RHOH: variants seen among roughly 807,000 people sequenced by gnomAD.
RHOH encodes the protein rho-related GTP-binding protein RhoH.
Under a neutral mutation model 13.8 loss-of-function variants are expected in RHOH, and 6 were observed. That is an observed-to-expected ratio of 0.44 (90% CI 0.24 to 0.86). RHOH has a LOEUF of 0.86. RHOH is among the 40% of genes least tolerant of loss of function. RHOH has a pLI of 0.24. For synonymous variants in RHOH, 117 were observed against 103.0 expected, an observed-to-expected ratio of 1.14 and a Z score of -0.82; for missense variants, 147 against 244.5, an observed-to-expected ratio of 0.60 and a Z score of 2.66.
chr4:40,224,227 C>T (rs534660875), intron 1 of RHOH, among the ~76,000 whole-genome samples: 1 of 152,312 alleles, frequency 6.6e-6, no homozygotes, highest in East Asian at 1.9e-4. Context: ...ACAGGCTGAC[C>T]TAATTCCTTC....
chr4:40,192,604 G>A (rs1475914753), upstream of RHOH, among the ~76,000 whole-genome samples: 1 of 152,208 alleles, frequency 6.6e-6, no homozygotes, highest in Non-Finnish European at 1.5e-5. Context: ...CTCAATAAAA[G>A]AGGTCTTTGT....
upstream of RHOH, among the ~76,000 whole-genome samples, chr4:40,193,479 C>CGAGA (rs34244157): frequency 0.12 from 10,298 of 88,448 alleles, 674 homozygotes; most frequent in East Asian, 0.15. Flanking sequence ...AGAATGAGAG[C>CGAGA]GAGAGAGAGA....
chr4:40,199,146 A>G (rs1167819658), intron 1 of RHOH, among the ~76,000 whole-genome samples: 1 of 152,212 alleles, frequency 6.6e-6, no homozygotes, highest in Non-Finnish European at 1.5e-5. Flanking sequence ...CAGTAATAAT[A>G]ACTGAAAATA....
At chr4:40,225,305 C>G (rs1727089663) in intron 1 of RHOH, among the ~76,000 whole-genome samples, 2 of 152,004 alleles carry the variant, frequency 1.3e-5, no homozygotes, top group African/African-American at 4.8e-5. Flanking sequence ...AGGCTGGTCT[C>G]AAACTCCTGG....
At chr4:40,220,821 AAG>A (rs1579286849) in intron 1 of RHOH, among the ~76,000 whole-genome samples, 1 of 152,248 alleles carries the variant, frequency 6.6e-6, no homozygotes, top group Non-Finnish European at 1.5e-5. Context: ...ACCATTAAAA[AAG>A]AATTTTGCTC....
chr4:40,212,015 A>G (rs1725329019), intron 1 of RHOH, among the ~76,000 whole-genome samples: 1 of 152,186 alleles, frequency 6.6e-6, no homozygotes, highest in Non-Finnish European at 1.5e-5. Context: ...ACATCTTCCC[A>G]GGAAAACATT....
At chr4:40,204,380 T>G (rs1337357438) in intron 1 of RHOH, among the ~76,000 whole-genome samples, 1 of 152,238 alleles carries the variant, frequency 6.6e-6, no homozygotes, top group Non-Finnish European at 1.5e-5. Context: ...AAATCAGACC[T>G]CTTTCTACAA....
chr4:40,215,246 G>C (rs1171891226), intron 1 of RHOH, among the ~76,000 whole-genome samples: 1 of 152,190 alleles, frequency 6.6e-6, no homozygotes, highest in Admixed American at 6.5e-5. Context: ...GAGACCATGA[G>C]TTTTGAGCAC....
At chr4:40,237,670 T>C (rs1020888378) in intron 1 of RHOH, among the ~76,000 whole-genome samples, 1 of 152,196 alleles carries the variant, frequency 6.6e-6, no homozygotes, top group African/African-American at 2.4e-5. Flanking sequence ...TCAATTTTCT[T>C]AGTGAATGAA....
rs764292452 is a variant in RHOH, at chr4:40,243,959, C to T, written c.573C>T (p.Phe191=). Residue 191 remains phenylalanine (F), a synonymous_variant, in exon 3 of 3, where the codon TTC becomes TTT. Coordinates refer to ENST00000381799, the MANE Select transcript of RHOH (RefSeq NM_004310.5). The surrounding 1 kb of genome is among the most constrained non-coding windows in gnomAD (Gnocchi z 6.2). ...RLFSINECKI[F] The stretch of plus-strand genomic sequence containing the variant: ...TCTCCATCAATGAGTGCAAGATCTT[C>T]TAAACCCCAAGAGACTTCACACAAC... 6.4e-5 allele frequency: 103 copies of T among 1,609,930 alleles called. No homozygotes were observed. The highest frequency in any genetic ancestry group is 5.9e-6 in the Non-Finnish European group (7 of 1,177,870).
At chr4:40,229,048 C>A (rs571112375) in intron 1 of RHOH, among the ~76,000 whole-genome samples, 3 of 152,202 alleles carry the variant, frequency 2.0e-5, no homozygotes, top group Middle Eastern at 3.4e-3. Flanking sequence ...CTAGAGATGG[C>A]CCTTACTTCC....
intron 1 of RHOH, among the ~76,000 whole-genome samples, chr4:40,233,875 G>A (rs1352183653): frequency 2.6e-5 from 4 of 151,566 alleles, no homozygotes; most frequent in African/African-American, 7.3e-5. Flanking sequence ...GCAGTGAGCC[G>A]GGATCATGCC....
At chr4:40,210,012 A>G (rs1406690034) in intron 1 of RHOH, among the ~76,000 whole-genome samples, 1 of 152,084 alleles carries the variant, frequency 6.6e-6, no homozygotes, top group Admixed American at 6.6e-5. Context: ...TGATTCGTTT[A>G]GTGAAAAAGA....
rs549802852 is a variant in RHOH at position 40,234,744 on chromosome 4, C to CTTTT, written c.-330-7947_-330-7944dup. ...TATGTTAAAAGTTGCAAATCAGCAT[C>CTTTT]TTTTTTTTTTTTTTTTTTTTTTTTT... On this transcript the variant is annotated intron_variant, in intron 1 of 2. Transcript: ENST00000381799. Among the ~76,000 whole-genome samples, 56 of 101,100 alleles carry CTTTT rather than the reference C, an allele frequency of 5.5e-4. 2 individuals carry two copies. The highest frequency in any genetic ancestry group is 1.3e-3 in the African/African-American group (33 of 25,652). 66.3% of individuals were successfully genotyped at this position (101,100 alleles called of 152,430 possible).
chr4:40,212,239 T>C (rs193151700), intron 1 of RHOH, among the ~76,000 whole-genome samples: 3 of 152,348 alleles, frequency 2.0e-5, no homozygotes, highest in Admixed American at 2.0e-4. Flanking sequence ...TCTTCATCCA[T>C]ACATTGGACA....
chr4:40,201,532 A>G (rs1723986180), intron 1 of RHOH, among the ~76,000 whole-genome samples: 1 of 152,198 alleles, frequency 6.6e-6, no homozygotes, highest in African/African-American at 2.4e-5. Context: ...GCTATATAAT[A>G]TTGTGCTATC....
rs1729479238 is a variant in RHOH, at chr4:40,243,360, T to C, written c.-27T>C. Reference sequence around the variant, plus strand: ...GGCTCTTTTCCCTGGGATTCTGGACTTCAGAGTAGGACAGCAGGCTGGGAA... The same window carrying C: ...GGCTCTTTTCCCTGGGATTCTGGACCTCAGAGTAGGACAGCAGGCTGGGAA... On this transcript the variant is annotated 5_prime_UTR_variant, in exon 3 of 3. Transcript: ENST00000381799. The surrounding 1 kb of genome is among the most constrained non-coding windows in gnomAD (Gnocchi z 6.2). 1 of 1,544,262 alleles carries C rather than the reference T, an allele frequency of 6.5e-7. No individual in the cohort carries two copies. The highest frequency in any genetic ancestry group is 2.3e-5 in the East Asian group (1 of 44,202).
chr4:40,196,627 G>T (rs1579213120), upstream of RHOH, among the ~76,000 whole-genome samples: 1 of 151,994 alleles, frequency 6.6e-6, no homozygotes, highest in South Asian at 2.1e-4. Context: ...CCAAGCTGAT[G>T]GGGGGAAAGT....
chr4:40,213,334 C>T (rs1397757064), intron 1 of RHOH, among the ~76,000 whole-genome samples: 3 of 147,296 alleles, frequency 2.0e-5, no homozygotes, highest in East Asian at 4.0e-4. Flanking sequence ...TAGTTCCTGA[C>T]TTCTCTCTCT....
Sources: gnomAD v4.1 joint callset for allele counts (sites outside exome capture counted in the v4.1 genomes callset) on GRCh38, gnomAD v4.1.1 for gene constraint, Gnocchi (gnomAD v3.1) non-coding constraint, MANE v1.5 for transcripts, NCBI Gene and HGNC (gene_info 2026-07-23, HGNC 2026-07-21) for gene names.